The following STK38 variants were observed in gnomAD, a reference collection of about 807,000 sequenced individuals.
The protein encoded by STK38 is serine/threonine-protein kinase 38.
In STK38, 26 loss-of-function variants were observed where a neutral mutation model predicts 59.0. The ratio of observed to expected loss-of-function variants is 0.44; its 90% CI spans 0.32 to 0.61. The LOEUF is 0.61. Among genes scored for constraint, STK38 ranks in the 20% least tolerant of loss-of-function variants. The pLI, the probability that STK38 is intolerant of heterozygous loss-of-function variation, is 0.04. For missense variants in STK38, 433 were observed against 566.0 expected (o/e 0.76, Z 2.38); for synonymous variants, 175 against 176.6 (o/e 0.99, Z 0.07).
At chr6:36,500,638 T>C (rs1057371247) in intron 9 of STK38, among the ~76,000 whole-genome samples, 5 of 151,264 alleles carry the variant, frequency 3.3e-5, no homozygotes, top group Non-Finnish European at 5.9e-5. Context: ...TGTGCACCTG[T>C]AGTCCTAGCT....
chr6:36,508,749 TGTGA>T (rs1001782225), intron 7 of STK38, among the ~76,000 whole-genome samples: 1 of 152,210 alleles, frequency 6.6e-6, no homozygotes, highest in African/African-American at 2.4e-5. Context: ...GCAAGGCGTG[TGTGA>T]GTGAGTGCGG....
intron 1 of STK38, among the ~76,000 whole-genome samples, chr6:36,546,875 G>A (rs1277266434): frequency 6.6e-6 from 1 of 152,186 alleles, no homozygotes; most frequent in African/African-American, 2.4e-5. Flanking sequence ...ACTGGTGGCA[G>A]GGAGCAGACA....
chr6:36,529,966 C>T (rs1777626640), intron 2 of STK38, among the ~76,000 whole-genome samples: 1 of 152,128 alleles, frequency 6.6e-6, no homozygotes, highest in Non-Finnish European at 1.5e-5. Flanking sequence ...TAGGGCCAGG[C>T]ATGGTGGCTC....
At chr6:36,507,433 T>G (rs1776994366) in intron 8 of STK38, 67 bp downstream of exon 8, 12 of 1,309,156 alleles carry the variant, frequency 9.2e-6, no homozygotes. Flanking sequence ...TCTAATTTGG[T>G]TACAAGGGAA....
intron 11 of STK38, among the ~76,000 whole-genome samples, chr6:36,498,137 G>C (rs1776751244): frequency 6.6e-6 from 1 of 151,872 alleles, no homozygotes; most frequent in African/African-American, 2.4e-5. Context: ...TTGCTGTGTT[G>C]TCCAGGCTGG....
At chr6:36,529,195 G>T (rs1362317653) in intron 2 of STK38, among the ~76,000 whole-genome samples, 1 of 152,076 alleles carries the variant, frequency 6.6e-6, no homozygotes, top group Non-Finnish European at 1.5e-5. Flanking sequence ...GCAAGAAAAT[G>T]GCCATATTTT....
chr6:36,507,811 C>G (rs2127471120), intron 7 of STK38, among the ~76,000 whole-genome samples: 1 of 152,178 alleles, frequency 6.6e-6, no homozygotes, highest in South Asian at 2.1e-4. Flanking sequence ...TTCTGCATAT[C>G]ATCTTTGGTT....
chr6:36,501,407 T>C (rs1776835739), intron 9 of STK38, among the ~76,000 whole-genome samples: 1 of 152,180 alleles, frequency 6.6e-6, no homozygotes, highest in South Asian at 2.1e-4. Context: ...ATTATATAAT[T>C]TTTTAAATTA....
Position 36,515,459 on chromosome 6 carries a change from G to A in STK38, c.548C>T (p.Thr183Ile), listed in dbSNP as rs1777226229. ...AAACTGAGTCTCCTCTTCTGTCAGA[G>A]TGTCTTTTTTCATCAACAAGGTCAT... ...DMMTLLMKKD[T>I]LTEEETQFYI... The change falls in exon 7 of 14, where the codon ACT (threonine) becomes ATT (isoleucine). Residue 183 changes from threonine (T) to isoleucine (I), a missense_variant. By Grantham distance (89) the Thr-to-Ile change is moderately conservative (BLOSUM62 -1). Around this residue, in one of 3 missense-constraint regions of STK38, gnomAD observed 293 missense variants for 388.2 expected, o/e 0.75. Transcript: ENST00000229812. 1.2e-6 allele frequency: 2 copies of A among 1,613,788 alleles called. No homozygotes were observed. The highest frequency in any genetic ancestry group is 1.7e-6 in the Non-Finnish European group (2 of 1,179,994).
chr6:36,494,433 T>G lies in STK38; in HGVS notation c.*1351A>C, dbSNP rs760079643. 6.5e-6 allele frequency: 1 copy of G among 152,786 alleles called. No homozygotes were observed. Among genetic ancestry groups the G allele is most frequent in the Non-Finnish European group, 1.5e-5 (1 of 68,030 alleles). 9.5% of individuals were successfully genotyped at this position (152,786 alleles called of 1,614,324 possible). A position where few individuals can be genotyped will look rare whatever the true frequency, so the allele number is the denominator to read the frequency against. On this transcript the variant is annotated 3_prime_UTR_variant, in exon 14 of 14. Coordinates refer to ENST00000229812, the MANE Select transcript of STK38 (RefSeq NM_007271.4). ...ATGATGCTTTAAGAGTTATCAAAAC[T>G]TTTTAAAAAATAATGCATTAATATG... is the stretch of plus-strand genomic sequence containing the variant.
chr6:36,516,257 A>T (rs1395796548), intron 6 of STK38, among the ~76,000 whole-genome samples: 1 of 152,208 alleles, frequency 6.6e-6, no homozygotes, highest in African/African-American at 2.4e-5. Flanking sequence ...GCAAAGTCAA[A>T]ATTTCATCAT....
intron 9 of STK38, among the ~76,000 whole-genome samples, chr6:36,500,320 T>C (rs1032982432): frequency 6.6e-6 from 1 of 151,952 alleles, no homozygotes; most frequent in African/African-American, 2.4e-5. Context: ...TATATATATA[T>C]ATAACTTCAT....
intron 9 of STK38, among the ~76,000 whole-genome samples, chr6:36,505,998 C>T (rs757833336): frequency 6.6e-6 from 1 of 152,112 alleles, no homozygotes; most frequent in Non-Finnish European, 1.5e-5. Context: ...TCAAGGTAAA[C>T]ACGATGTTTC....
intron 6 of STK38, among the ~76,000 whole-genome samples, chr6:36,517,347 A>G (rs1348626009): frequency 6.6e-6 from 1 of 152,198 alleles, no homozygotes; most frequent in East Asian, 1.9e-4. Context: ...AAGAAACAAA[A>G]ATTTGGAGCA....
At chr6:36,507,807 AT>A (rs1777003154) in intron 7 of STK38, among the ~76,000 whole-genome samples, 1 of 152,166 alleles carries the variant, frequency 6.6e-6, no homozygotes, top group South Asian at 2.1e-4. Flanking sequence ...TCATTTCTGC[AT>A]ATCATCTTTG....
intron 2 of STK38, among the ~76,000 whole-genome samples, chr6:36,529,416 C>T (rs1777613592): frequency 6.6e-6 from 1 of 152,136 alleles, no homozygotes; most frequent in Non-Finnish European, 1.5e-5. Flanking sequence ...AAAAGAATAG[C>T]AGGACTCTCC....
intron 4 of STK38, among the ~76,000 whole-genome samples, chr6:36,523,423 C>T (rs925634842): frequency 1.3e-5 from 2 of 151,864 alleles, no homozygotes; most frequent in African/African-American, 2.4e-5. Flanking sequence ...CCACCACACC[C>T]GGCTAATTTT....
intron 5 of STK38, among the ~76,000 whole-genome samples, chr6:36,520,321 A>G (rs536136964): frequency 6.6e-6 from 1 of 152,326 alleles, no homozygotes; most frequent in Admixed American, 6.5e-5. Context: ...TGAAGGCACA[A>G]TATTTGCGAA....
chr6:36,501,014 A>G (rs1200109981), intron 9 of STK38, among the ~76,000 whole-genome samples: 2 of 151,676 alleles, frequency 1.3e-5, no homozygotes, highest in Non-Finnish European at 2.9e-5. Context: ...GCTGGAGTGC[A>G]GTGGCACGAT....
Sources: gnomAD v4.1 joint callset for allele counts (sites outside exome capture counted in the v4.1 genomes callset) on GRCh38, gnomAD v4.1.1 for gene constraint, gnomAD v4.1.1 regional missense constraint, MANE v1.5 for transcripts, NCBI Gene and HGNC (gene_info 2026-07-23, HGNC 2026-07-21) for gene names.